EIF3A: variants seen among roughly 807,000 people sequenced by gnomAD.
EIF3A encodes EIF3, p180 subunit.
In EIF3A, 21 loss-of-function variants were observed where a neutral mutation model predicts 186.6. The observed-to-expected ratio is 0.11, with a 90% CI of 0.08 to 0.16. The LOEUF (loss-of-function observed/expected upper bound fraction) is 0.16. Among genes scored for constraint, EIF3A ranks in the 10% least tolerant of loss-of-function variants. The probability of loss-of-function intolerance (pLI) is 1.00; values close to 1 mark genes in which losing one functional copy is unlikely to be tolerated. For synonymous variants in EIF3A, 563 were observed against 584.3 expected (o/e 0.96, Z 0.52); for missense variants, 1,306 against 1,796.3 (o/e 0.73, Z 4.93).
chr10:119,061,332 C>A lies in EIF3A; in HGVS notation c.1123-4G>T. 1 of 1,406,272 alleles carries A rather than the reference C, an allele frequency of 7.1e-7. No homozygotes were observed. Among genetic ancestry groups the A allele is most frequent in the Non-Finnish European group, 9.8e-7 (1 of 1,023,104 alleles). 87.1% of individuals were successfully genotyped at this position (1,406,272 alleles called of 1,614,324 possible). A position where few individuals can be genotyped will look rare whatever the true frequency, so the allele number is the denominator to read the frequency against. ...ATTGTAGTACATTAAATCTGACCTACAGTAAGCAAAACAAAAGATGTAACT... is the reference window on the plus strand; with the variant it reads ...ATTGTAGTACATTAAATCTGACCTAAAGTAAGCAAAACAAAAGATGTAACT... On this transcript the variant is annotated splice_region_variant and splice_polypyrimidine_tract_variant and intron_variant, in intron 7 of 21. Transcript: ENST00000369144.
intron 11 of EIF3A, among the ~76,000 whole-genome samples, chr10:119,058,892 AAAAG>A (rs1368970255): frequency 6.6e-6 from 1 of 152,150 alleles, no homozygotes; most frequent in Non-Finnish European, 1.5e-5. Context: ...AAAAAGAAAA[AAAAG>A]AAATAACTTA....
At chr10:119,056,636 C>T in intron 14 of EIF3A, 104 bp downstream of exon 14, 3 of 753,434 alleles carry the variant, frequency 4.0e-6, no homozygotes, top group Non-Finnish European at 6.5e-6. Flanking sequence ...AGCACCATTT[C>T]TAGCAGAAGA....
At chr10:119,073,160 A>C in intron 3 of EIF3A, 107 bp from the exon 4 acceptor site, 1 of 1,085,680 alleles carries the variant, frequency 9.2e-7, no homozygotes, top group Admixed American at 2.7e-5. Flanking sequence ...TTCTTCCCAC[A>C]ATATGTACAC....
chr10:119,067,921 C>T (rs1207479144), intron 6 of EIF3A, among the ~76,000 whole-genome samples: 7 of 152,128 alleles, frequency 4.6e-5, no homozygotes, highest in South Asian at 2.1e-4. Flanking sequence ...AGCCATTCTC[C>T]GGCCTCAGCC....
rs150447959 is a variant in EIF3A at position 119,076,281 on chromosome 10, C to T, written c.50-2344G>A. On this transcript the variant is annotated intron_variant, in intron 1 of 21. Coordinates refer to ENST00000369144, the MANE Select transcript of EIF3A (RefSeq NM_003750.4). ...TCAGGAGGCGGAGGTTGCGGTGAGC[C>T]GAGATAGCGCCACTGTACTCCAGCC... is the stretch of plus-strand genomic sequence containing the variant. 5.4e-3 allele frequency among the ~76,000 whole-genome samples: 798 copies of T among 147,534 alleles called. 9 individuals are homozygous for T. Among genetic ancestry groups the T allele is most frequent in the African/African-American group, 0.019 (745 of 39,860 alleles).
chr10:119,037,069 C>CA (rs781437940), intron 21 of EIF3A, 50 bp downstream of exon 21: 2 of 941,282 alleles, frequency 2.1e-6, no homozygotes, highest in South Asian at 2.0e-5. Context: ...ATCCCCCCCC[C>CA]CCCAGAAACG....
Position 119,037,226 on chromosome 10 carries a change from T to A in EIF3A, c.3812A>T (p.Asp1271Val). The A allele has an allele frequency of 6.2e-7, 1 of 1,614,056 alleles. No homozygotes were observed. The highest frequency in any genetic ancestry group is 8.5e-7 in the Non-Finnish European group (1 of 1,180,004). The change falls in exon 21 of 22, where the codon GAT becomes GTT. Residue 1271 changes from aspartate to valine, a missense_variant. This residue lies in a region of EIF3A where 331 missense variants were observed against 365.8 expected (regional missense o/e 0.90). Transcript: ENST00000369144. The stretch of plus-strand genomic sequence containing the variant: ...GTCATCCCTCTCACGGCGACGGTCA[T>A]CCCTATCCCTATCGTCCCGGCGACT... ...DSSRRDDRDR[D>V]DRRRERDDRR...
chr10:119,073,694 G>T (rs1320213240), intron 2 of EIF3A, 53 bp downstream of exon 2: 1 of 1,560,144 alleles, frequency 6.4e-7, no homozygotes, highest in Non-Finnish European at 8.7e-7. Context: ...TAAGTTCTTC[G>T]GCAGATTACT....
intron 20 of EIF3A, 67 bp downstream of exon 20, chr10:119,038,171 G>C (rs756379209): frequency 3.2e-5 from 44 of 1,386,626 alleles, no homozygotes; most frequent in Non-Finnish European, 6.0e-6. Context: ...CCCTCCCAAA[G>C]TGCTGGGATT....
chr10:119,067,021 T>A (rs985348786), intron 6 of EIF3A, among the ~76,000 whole-genome samples: 1 of 151,758 alleles, frequency 6.6e-6, no homozygotes, highest in Non-Finnish European at 1.5e-5. Context: ...AAGACCAGCC[T>A]GGCTAACATG....
intron 7 of EIF3A, 66 bp from the exon 8 acceptor site, chr10:119,061,394 GTA>G: frequency 1.4e-6 from 1 of 695,660 alleles, no homozygotes; most frequent in Non-Finnish European, 2.5e-6. Context: ...TCTGAACTTA[GTA>G]TAAATGATAG....
intron 7 of EIF3A, among the ~76,000 whole-genome samples, chr10:119,062,265 A>G (rs1843900698): frequency 6.6e-6 from 1 of 152,188 alleles, no homozygotes; most frequent in Non-Finnish European, 1.5e-5. Flanking sequence ...TTCTTCATGC[A>G]GTCCCCTTCC....
chr10:119,060,007 G>C, intron 9 of EIF3A: 1 of 515,702 alleles, frequency 1.9e-6, no homozygotes, highest in South Asian at 1.5e-5. Flanking sequence ...ACTTCTTATA[G>C]AATTTTTGTC....
chr10:119,048,735 G>A (rs141894784), intron 17 of EIF3A, among the ~76,000 whole-genome samples: 9,656 of 151,238 alleles, frequency 0.064, 579 homozygotes, highest in African/African-American at 0.16. Flanking sequence ...GCAGTGGCGC[G>A]ATCTCAGCTC....
At position 119,035,352 on chromosome 10, in the gene EIF3A, C is replaced by T. The variant is rs530666834; in HGVS notation, c.*687G>A. On this transcript the variant is annotated 3_prime_UTR_variant, in exon 22 of 22. Coordinates refer to ENST00000369144, the MANE Select transcript of EIF3A (RefSeq NM_003750.4). ...CTATTGGCAACAGAAAAAAACTCAG[C>T]GATAATTTACCAAATGCTTTAAAAT... 6.6e-6 allele frequency: 1 copy of T among 152,486 alleles called. No homozygotes were observed. Among genetic ancestry groups the T allele is most frequent in the East Asian group, 1.9e-4 (1 of 5,170 alleles). 9.4% of individuals were successfully genotyped at this position (152,486 alleles called of 1,614,324 possible). A position where few individuals can be genotyped will look rare whatever the true frequency, so the allele number is the denominator to read the frequency against.
chr10:119,039,397 G>A (rs1039846614), intron 19 of EIF3A, among the ~76,000 whole-genome samples: 6 of 152,124 alleles, frequency 3.9e-5, no homozygotes, highest in Non-Finnish European at 7.3e-5. Flanking sequence ...GTGGCCAGGC[G>A]TGGTGGCTCA....
Position 119,037,069 on chromosome 10 carries a change from C to A in EIF3A, c.3919+50G>T, listed in dbSNP as rs200576099. On this transcript the variant is annotated intron_variant, in intron 21 of 21. Transcript: ENST00000369144. ...AATTAAATAACCCAAATCCCCCCCC[C>A]CCCAGAAACGACAGTTCTCCAATAC... The A allele has an allele frequency of 2.0e-4, 188 of 941,404 alleles. 13 individuals are homozygous for A. The East Asian group carries it at 2.7e-3, about 13-fold the overall frequency. 58.3% of individuals were successfully genotyped at this position (941,404 alleles called of 1,614,324 possible).
In EIF3A at chr10:119,037,281, C is replaced by T; in HGVS notation, c.3757G>A (p.Ala1253Thr). Reference protein sequence around the residue: ...RDEGGWRRGPAEESSSWRDSS... With the variant: ...RDEGGWRRGPTEESSSWRDSS... ...TCTCTCCAGCTTGAAGATTCCTCAG[C>T]TGGTCCTCTTCTCCAGCCACCTTCA... The change falls in exon 21 of 22, where the codon GCT becomes ACT. Residue 1253 changes from alanine (A) to threonine (T), a missense_variant. Coordinates refer to ENST00000369144, the MANE Select transcript of EIF3A (RefSeq NM_003750.4). 6.2e-7 allele frequency: 1 copy of T among 1,614,146 alleles called. No individual in the cohort carries two copies. Among genetic ancestry groups the T allele is most frequent in the South Asian group, 1.1e-5 (1 of 91,082 alleles).
chr10:119,058,173 A>G lies in EIF3A; in HGVS notation c.1760T>C (p.Ile587Thr). ...TTCCAATTCTTCTTTCTCACGCTGA[A>G]TATTCAGACTCTCAAGGCGCTCTTT... is the stretch of plus-strand genomic sequence containing the variant. ...ERKERLESLN[I>T]QREKEELEQR... Residue 587 changes from isoleucine (I) to threonine (T), a missense_variant, in exon 12 of 22, where the codon ATT (isoleucine) becomes ACT (threonine). Transcript: ENST00000369144. 1 of 1,614,036 alleles carries G rather than the reference A, an allele frequency of 6.2e-7. No individual in the cohort carries two copies.
Sources: gnomAD v4.1 joint callset for allele counts (sites outside exome capture counted in the v4.1 genomes callset) on GRCh38, gnomAD v4.1.1 for gene constraint, gnomAD v4.1.1 regional missense constraint, MANE v1.5 for transcripts, NCBI Gene and HGNC (gene_info 2026-07-23, HGNC 2026-07-21) for gene names.